Variants in SEZ6L observed in about 807,000 individuals in gnomAD.
SEZ6L encodes seizure related 6 homolog like.
In SEZ6L, 37 loss-of-function variants were observed where a neutral mutation model predicts 106.2. That is an observed-to-expected ratio of 0.35 (90% CI 0.27 to 0.46). SEZ6L has a LOEUF of 0.46. Among genes scored for constraint, SEZ6L ranks in the 20% least tolerant of loss-of-function variants. SEZ6L has a pLI of 1.00. For synonymous variants in SEZ6L, 541 were observed against 570.4 expected (o/e 0.95, Z 0.73); for missense variants, 1,172 against 1,332.8 (o/e 0.88, Z 1.88).
chr22:26,187,767 C>T (rs551066924), intron 1 of SEZ6L, among the ~76,000 whole-genome samples: 48 of 152,280 alleles, frequency 3.2e-4, no homozygotes, highest in Non-Finnish European at 5.0e-4. Flanking sequence ...TTATCACTGG[C>T]TCTCAGTTTA....
chr22:26,184,160 A>C (rs540110900), intron 1 of SEZ6L, among the ~76,000 whole-genome samples: 25 of 152,292 alleles, frequency 1.6e-4, no homozygotes, highest in Non-Finnish European at 3.2e-4. Flanking sequence ...GATTCTTACA[A>C]AATGTCAGCA....
intron 1 of SEZ6L, among the ~76,000 whole-genome samples, chr22:26,240,126 G>C (rs2079079808): frequency 6.7e-6 from 1 of 149,488 alleles, no homozygotes; most frequent in Non-Finnish European, 1.5e-5. Flanking sequence ...ACACACCATT[G>C]CATCTTGCCT....
chr22:26,304,626 T>A (rs7290778), intron 5 of SEZ6L, among the ~76,000 whole-genome samples: 14 of 152,174 alleles, frequency 9.2e-5, no homozygotes, highest in African/African-American at 3.4e-4. Context: ...AAGTAATAGA[T>A]GATTCTGGTA....
chr22:26,347,478 C>T (rs1240474524), intron 10 of SEZ6L, among the ~76,000 whole-genome samples: 1 of 151,982 alleles, frequency 6.6e-6, no homozygotes. Flanking sequence ...CTGTCTGACT[C>T]GAAATCCTAA....
At chr22:26,235,182 G>C (rs1232126749) in intron 1 of SEZ6L, among the ~76,000 whole-genome samples, 1 of 152,134 alleles carries the variant, frequency 6.6e-6, no homozygotes, top group Non-Finnish European at 1.5e-5. Context: ...CCTGGTTTGG[G>C]ACAGGAGGGT....
chr22:26,211,176 G>A (rs2078146461), intron 1 of SEZ6L, among the ~76,000 whole-genome samples: 1 of 152,168 alleles, frequency 6.6e-6, no homozygotes, highest in Non-Finnish European at 1.5e-5. Context: ...AGCCAACCGG[G>A]TCTGTACTGT....
chr22:26,220,925 ATGGG>A lies in SEZ6L; in HGVS notation c.94+51166_94+51169del, dbSNP rs1281710970. Among the ~76,000 whole-genome samples, 29 of 137,128 alleles carry A rather than the reference ATGGG, an allele frequency of 2.1e-4. No individual in the cohort carries two copies. In the South Asian group the frequency reaches 6.4e-3, roughly 30 times the overall value. 90.0% of individuals were successfully genotyped at this position (137,128 alleles called of 152,430 possible). ...GATGGATGGATGGATGGATGGATGGATGGGTGGATGGATGGATGATGAGTGGTTG... is the reference window on the plus strand; with the variant it reads ...GATGGATGGATGGATGGATGGATGGATGGATGGATGGATGATGAGTGGTTG... On this transcript the variant is annotated intron_variant, in intron 1 of 16. Transcript: ENST00000248933.
At chr22:26,182,007 G>A (rs1440735302) in intron 1 of SEZ6L, among the ~76,000 whole-genome samples, 1 of 152,126 alleles carries the variant, frequency 6.6e-6, no homozygotes, top group Non-Finnish European at 1.5e-5. Flanking sequence ...TGCCCCATAG[G>A]TGCATGTGTT....
At chr22:26,258,397 C>T (rs561163649) in intron 1 of SEZ6L, among the ~76,000 whole-genome samples, 225 of 152,228 alleles carry the variant, frequency 1.5e-3, no homozygotes, top group Admixed American at 4.3e-3. Flanking sequence ...AAAAGGGCTT[C>T]CTGGAGGAGG....
chr22:26,317,227 C>T (rs1446288443), intron 9 of SEZ6L, among the ~76,000 whole-genome samples: 1 of 152,108 alleles, frequency 6.6e-6, no homozygotes, highest in Non-Finnish European at 1.5e-5. Flanking sequence ...CCTTCTGTGT[C>T]GCCCCCTTGT....
intron 1 of SEZ6L, among the ~76,000 whole-genome samples, chr22:26,238,311 A>C (rs2079011902): frequency 6.6e-6 from 1 of 152,222 alleles, no homozygotes; most frequent in Admixed American, 6.5e-5. Flanking sequence ...GGGGCAAAGC[A>C]CTCAGGAGGG....
chr22:26,261,366 T>C (rs2079999806), intron 1 of SEZ6L, among the ~76,000 whole-genome samples: 1 of 152,236 alleles, frequency 6.6e-6, no homozygotes, highest in Non-Finnish European at 1.5e-5. Context: ...TAGTTTCAGG[T>C]CTTAGATTTA....
chr22:26,240,246 T>C lies in SEZ6L; in HGVS notation c.95-52160T>C, dbSNP rs16981568. Among the ~76,000 whole-genome samples the C allele has an allele frequency of 5.6e-3, 851 of 152,182 alleles. 38 individuals carry two copies. In the East Asian group the frequency reaches 0.097, roughly 17 times the overall value. On this transcript the variant is annotated intron_variant, in intron 1 of 16. Transcript: ENST00000248933. ...ACCCTCTCTCCTCTTGTGTTTGACT[T>C]TTTTTCAAAGGCTCAAACCAAACAG... is the stretch of plus-strand genomic sequence containing the variant.
intron 12 of SEZ6L, among the ~76,000 whole-genome samples, chr22:26,357,169 T>G (rs2083465212): frequency 6.6e-6 from 1 of 152,070 alleles, no homozygotes; most frequent in Non-Finnish European, 1.5e-5. Context: ...GCCAGGATGG[T>G]CTCCTGACCT....
intron 1 of SEZ6L, among the ~76,000 whole-genome samples, chr22:26,197,165 T>C (rs1940636398): frequency 6.6e-6 from 1 of 151,552 alleles, no homozygotes; most frequent in Non-Finnish European, 1.5e-5. Flanking sequence ...TTTTTTTTTC[T>C]TGTTATTTAT....
chr22:26,300,033 G>A (rs1186784735), intron 5 of SEZ6L, among the ~76,000 whole-genome samples: 1 of 152,172 alleles, frequency 6.6e-6, no homozygotes, highest in Non-Finnish European at 1.5e-5. Flanking sequence ...TTATGGGTAT[G>A]AAGGTATCTC....
At chr22:26,197,236 T>C (rs1160098373) in intron 1 of SEZ6L, among the ~76,000 whole-genome samples, 7 of 152,208 alleles carry the variant, frequency 4.6e-5, no homozygotes, top group Non-Finnish European at 4.4e-5. Flanking sequence ...GCACTTACTA[T>C]CTTGTTCCCT....
intron 13 of SEZ6L, among the ~76,000 whole-genome samples, chr22:26,373,194 C>T (rs149342855): frequency 1.4e-4 from 22 of 152,274 alleles, no homozygotes; most frequent in East Asian, 1.9e-4. Flanking sequence ...ATTTTGGACA[C>T]GCGGTGAGTG....
chr22:26,351,540 T>TTGGGTG, intron 12 of SEZ6L: 1 of 237,186 alleles, frequency 4.2e-6, no homozygotes, highest in Non-Finnish European at 7.9e-6. Flanking sequence ...TTTGTTTGTT[T>TTGGGTG]GTTTGTTGGT....
Sources: gnomAD v4.1 joint callset for allele counts (sites outside exome capture counted in the v4.1 genomes callset) on GRCh38, gnomAD v4.1.1 for gene constraint, MANE v1.5 for transcripts, NCBI Gene and HGNC (gene_info 2026-07-23, HGNC 2026-07-21) for gene names.